The following GMEB1 variants were observed in gnomAD, a reference collection of about 807,000 sequenced individuals.
GMEB1 encodes glucocorticoid modulatory element-binding protein 1.
Under a neutral mutation model 52.4 loss-of-function variants are expected in GMEB1, and 6 were observed. The observed-to-expected ratio is 0.11, with a 90% CI of 0.06 to 0.23. The LOEUF is 0.23. GMEB1 is among the 10% of genes least tolerant of loss of function. GMEB1 has a pLI of 1.00. For missense variants in GMEB1, 486 were observed against 685.6 expected (o/e 0.71, Z 3.25); for synonymous variants, 255 against 244.9 (o/e 1.04, Z -0.38).
At chr1:28,698,805 G>A (rs2124542928) in intron 6 of GMEB1, among the ~76,000 whole-genome samples, 1 of 152,098 alleles carries the variant, frequency 6.6e-6, no homozygotes, top group East Asian at 1.9e-4. Context: ...CCAACATGGT[G>A]AAACCCTGTC....
At chr1:28,698,674 CA>C (rs138996886) in intron 6 of GMEB1, among the ~76,000 whole-genome samples, 152 of 120,804 alleles carry the variant, frequency 1.3e-3, no homozygotes, top group Middle Eastern at 5.0e-3. Context: ...GACTCCATCT[CA>C]AAAAAAAAAA....
At chr1:28,706,424 G>T (rs1240971391) in intron 8 of GMEB1, among the ~76,000 whole-genome samples, 3 of 151,904 alleles carry the variant, frequency 2.0e-5, no homozygotes, top group Admixed American at 2.0e-4. Flanking sequence ...GGCCAGCATG[G>T]TGAAACCCTG....
chr1:28,690,240 T>G, intron 3 of GMEB1, 54 bp downstream of exon 3: 1 of 795,530 alleles, frequency 1.3e-6, no homozygotes, highest in Non-Finnish European at 2.0e-6. Context: ...TCTAATACCT[T>G]TGACTTTAGC....
chr1:28,672,669 G>A (rs560223214), intron 1 of GMEB1, among the ~76,000 whole-genome samples: 3 of 151,166 alleles, frequency 2.0e-5, no homozygotes, highest in African/African-American at 7.3e-5. Context: ...CCATTAACTC[G>A]TCATTTATAT....
chr1:28,710,535 A>G lies in GMEB1; in HGVS notation c.884A>G (p.Asn295Ser), dbSNP rs1671003311. ...PFQVTDAAVL[N>S]NVAHTFGLMD... ...TTTTAAATAGATGCTGCTGTTCTCA[A>G]CAATGTAGCACACACATTTGGCCTA... Residue 295 changes from asparagine (N) to serine (S), a missense_variant, in exon 9 of 10, where the codon AAC becomes AGC. This residue lies in a region of GMEB1 where 200 missense variants were observed against 253.5 expected (regional missense o/e 0.79). Coordinates refer to ENST00000373816, the MANE Select transcript of GMEB1 (RefSeq NM_001319674.2). 1.9e-6 allele frequency: 3 copies of G among 1,606,984 alleles called. No homozygotes were observed. The highest frequency in any genetic ancestry group is 2.5e-6 in the Non-Finnish European group (3 of 1,177,322).
intron 9 of GMEB1, among the ~76,000 whole-genome samples, chr1:28,713,422 G>T (rs892826874): frequency 6.6e-6 from 1 of 152,114 alleles, no homozygotes; most frequent in Admixed American, 6.5e-5. Context: ...AGTGATAGGC[G>T]TACTATAATG....
chr1:28,681,583 G>T (rs919909417), intron 1 of GMEB1, among the ~76,000 whole-genome samples: 1 of 152,188 alleles, frequency 6.6e-6, no homozygotes, highest in East Asian at 1.9e-4. Context: ...ATAGTTGCAG[G>T]TAAGACCAGA....
At chr1:28,696,027 A>C (rs920384881) in intron 5 of GMEB1, among the ~76,000 whole-genome samples, 7 of 145,726 alleles carry the variant, frequency 4.8e-5, no homozygotes, top group Admixed American at 1.4e-4. Flanking sequence ...TTGGGAAGGA[A>C]TATCTTTATT....
chr1:28,679,448 G>A (rs1669299110), intron 1 of GMEB1, among the ~76,000 whole-genome samples: 1 of 151,998 alleles, frequency 6.6e-6, no homozygotes, highest in Non-Finnish European at 1.5e-5. Flanking sequence ...AAAGTATTGG[G>A]ATTACAGGTG....
chr1:28,691,464 TA>T, intron 3 of GMEB1, 120 bp from the exon 4 acceptor site: 1 of 570,098 alleles, frequency 1.8e-6, no homozygotes, highest in Non-Finnish European at 2.7e-6. Context: ...AGAGGATTCC[TA>T]AATGATACCA....
At chr1:28,691,121 T>G (rs547685521) in intron 3 of GMEB1, among the ~76,000 whole-genome samples, 5 of 152,082 alleles carry the variant, frequency 3.3e-5, no homozygotes, top group African/African-American at 1.2e-4. Context: ...TGAAACCCTA[T>G]CTCTACTAAA....
At chr1:28,697,369 T>A (rs987842750) in intron 6 of GMEB1, among the ~76,000 whole-genome samples, 11 of 151,668 alleles carry the variant, frequency 7.3e-5, no homozygotes, top group Non-Finnish European at 1.5e-4. Flanking sequence ...CCACCACACC[T>A]GGCTAATTTT....
intron 1 of GMEB1, among the ~76,000 whole-genome samples, chr1:28,670,902 A>G (rs1368702022): frequency 6.6e-6 from 1 of 152,182 alleles, no homozygotes; most frequent in Non-Finnish European, 1.5e-5. Flanking sequence ...TTGTATAGGT[A>G]GCTTCTACTC....
chr1:28,690,814 C>T lies in GMEB1; in HGVS notation c.211+628C>T, dbSNP rs574889197. 2.0e-5 allele frequency among the ~76,000 whole-genome samples: 3 copies of T among 151,980 alleles called. No individual in the cohort carries two copies. In the South Asian group the frequency reaches 6.2e-4, roughly 32 times the overall value. On this transcript the variant is annotated intron_variant, in intron 3 of 9. Transcript: ENST00000373816. ...TGGCCAACATGGCGAAACCCCGCCT[C>T]TACTAAAAGTATAAAAATTAGCTGG...
chr1:28,704,898 G>A (rs1024721771), intron 8 of GMEB1, among the ~76,000 whole-genome samples: 7 of 151,244 alleles, frequency 4.6e-5, no homozygotes, highest in African/African-American at 9.7e-5. Flanking sequence ...ATGAGCCACC[G>A]CTCCCAGCCT....
intron 7 of GMEB1, 107 bp from the exon 8 acceptor site, chr1:28,704,082 TAAG>T: frequency 9.5e-7 from 1 of 1,049,492 alleles, no homozygotes; most frequent in Non-Finnish European, 1.3e-6. Flanking sequence ...AATGGCCCAA[TAAG>T]AAATCATTTT....
chr1:28,675,679 C>CA (rs11316891), intron 1 of GMEB1, among the ~76,000 whole-genome samples: 4,249 of 99,862 alleles, frequency 0.043, 79 homozygotes, highest in Middle Eastern at 0.07. Context: ...GACTCTGTCT[C>CA]AAAAAAAAAA....
At chr1:28,687,471 C>T (rs999865670) in intron 2 of GMEB1, among the ~76,000 whole-genome samples, 15 of 150,930 alleles carry the variant, frequency 9.9e-5, no homozygotes, top group African/African-American at 3.7e-4. Context: ...CTTTTGGGAA[C>T]CACAAATAGT....
chr1:28,711,357 G>T (rs1230167661), intron 9 of GMEB1, among the ~76,000 whole-genome samples: 2 of 150,318 alleles, frequency 1.3e-5, no homozygotes, highest in East Asian at 3.9e-4. Flanking sequence ...ACAGGCTTTT[G>T]GTCCCTTGTG....
Sources: allele counts gnomAD v4.1 joint callset (sites outside exome capture counted in the v4.1 genomes callset), GRCh38; gene constraint gnomAD v4.1.1; regional missense constraint gnomAD v4.1.1; transcripts MANE v1.5; gene names NCBI Gene and HGNC (gene_info 2026-07-23, HGNC 2026-07-21).